The following PPP2R2B variants were observed in gnomAD, a reference collection of about 807,000 sequenced individuals.
PPP2R2B encodes the protein protein phosphatase 2 regulatory subunit Bbeta.
PPP2R2B carries 5 observed loss-of-function variants against 46.0 expected under a neutral mutation model. That is an observed-to-expected ratio of 0.11 (90% CI 0.06 to 0.23). The LOEUF is 0.23. PPP2R2B is among the 10% of genes least tolerant of loss of function. The pLI, the probability that PPP2R2B is intolerant of heterozygous loss-of-function variation, is 1.00. For synonymous variants in PPP2R2B, 215 were observed against 206.7 expected, an observed-to-expected ratio of 1.04 and a Z score of -0.34; for missense variants, 367 against 575.0, an observed-to-expected ratio of 0.64 and a Z score of 3.70.
intron 2 of PPP2R2B, among the ~76,000 whole-genome samples, chr5:146,759,660 C>T (rs1282498498): frequency 2.0e-5 from 3 of 152,112 alleles, no homozygotes; most frequent in African/African-American, 4.8e-5. Flanking sequence ...ACATCCTCTG[C>T]AGGTATCTTC....
intron 2 of PPP2R2B, among the ~76,000 whole-genome samples, chr5:146,754,515 G>A (rs1023734372): frequency 7.2e-5 from 11 of 152,110 alleles, no homozygotes; most frequent in Non-Finnish European, 1.0e-4. Flanking sequence ...GAAGTTCTTC[G>A]ATACTCTTTC....
chr5:146,801,544 G>C (rs1756866393), intron 2 of PPP2R2B, among the ~76,000 whole-genome samples: 2 of 152,134 alleles, frequency 1.3e-5, no homozygotes, highest in African/African-American at 2.4e-5. Context: ...CCCTTGGATG[G>C]GGAAATCACC....
At chr5:146,965,442 T>A (rs1299866574) in intron 1 of PPP2R2B, among the ~76,000 whole-genome samples, 1 of 152,160 alleles carries the variant, frequency 6.6e-6, no homozygotes. Flanking sequence ...TGAACTGCAG[T>A]GGGACCTCAG....
rs563608397 is a variant in PPP2R2B at position 146,704,251 on chromosome 5, C to G, written c.71-3109G>C. Among the ~76,000 whole-genome samples, 12 of 152,286 alleles carry G rather than the reference C, an allele frequency of 7.9e-5. No homozygotes were observed. The South Asian group carries it at 2.1e-3, about 26-fold the overall frequency. On this transcript the variant is annotated intron_variant, in intron 2 of 9. Transcript: ENST00000394411. ...AATACTCTTGTGTTTGCAGCATGCT[C>G]TTTGGTAAGGCAGTTTAAACTGGAA... is the stretch of plus-strand genomic sequence containing the variant.
intron 2 of PPP2R2B, among the ~76,000 whole-genome samples, chr5:146,841,455 T>C (rs961467468): frequency 1.4e-4 from 22 of 152,274 alleles, no homozygotes; most frequent in African/African-American, 2.9e-4. Flanking sequence ...CATTTTCTGA[T>C]TGTGAAAATT....
chr5:146,785,087 C>T (rs1175967371), intron 2 of PPP2R2B, among the ~76,000 whole-genome samples: 2 of 152,130 alleles, frequency 1.3e-5, no homozygotes, highest in African/African-American at 2.4e-5. Context: ...TTATTTATTG[C>T]TTTTCAACTT....
chr5:146,638,768 A>G (rs542432558), intron 6 of PPP2R2B, among the ~76,000 whole-genome samples: 1 of 152,354 alleles, frequency 6.6e-6, no homozygotes, highest in African/African-American at 2.4e-5. Flanking sequence ...TCATTTTATA[A>G]TAATGATTAA....
At chr5:147,073,992 C>T (rs796621308) in intron 2 of PPP2R2B, among the ~76,000 whole-genome samples, 159 of 150,878 alleles carry the variant, frequency 1.1e-3, no homozygotes, top group African/African-American at 3.6e-3. Context: ...GCCAAGATCG[C>T]GCCACTGCAC....
chr5:146,875,095 G>T (rs577280931), intron 2 of PPP2R2B, among the ~76,000 whole-genome samples: 46 of 152,294 alleles, frequency 3.0e-4, no homozygotes, highest in Non-Finnish European at 8.8e-5. Flanking sequence ...TGAAGACAAG[G>T]TTTTCCATTG....
chr5:146,664,448 C>T (rs1776854638), intron 5 of PPP2R2B, among the ~76,000 whole-genome samples: 1 of 152,088 alleles, frequency 6.6e-6, no homozygotes, highest in Non-Finnish European at 1.5e-5. Context: ...AGCAATTCCT[C>T]ATCTGTTAAA....
At chr5:146,685,029 G>A (rs1291931551) in intron 5 of PPP2R2B, among the ~76,000 whole-genome samples, 1 of 152,200 alleles carries the variant, frequency 6.6e-6, no homozygotes, top group Admixed American at 6.5e-5. Flanking sequence ...AGGACAGAGA[G>A]TGTGTTTCAT....
chr5:146,935,372 T>C (rs1381892908), intron 1 of PPP2R2B, among the ~76,000 whole-genome samples: 2 of 152,202 alleles, frequency 1.3e-5, no homozygotes, highest in East Asian at 3.8e-4. Flanking sequence ...ACTTTCCAGC[T>C]TCCAGAACTA....
chr5:146,607,605 T>C (rs1581702032), intron 7 of PPP2R2B: 1 of 152,268 alleles, frequency 6.6e-6, no homozygotes, highest in African/African-American at 2.4e-5. Context: ...ATTCTGCATC[T>C]ACTATACTTC....
intron 2 of PPP2R2B, among the ~76,000 whole-genome samples, chr5:146,858,148 C>A (rs968316506): frequency 1.3e-5 from 2 of 152,240 alleles, no homozygotes; most frequent in South Asian, 2.1e-4. Context: ...AGATGAGGCA[C>A]CTGGGCTTAG....
At chr5:146,916,256 GT>G (rs1763379478) in intron 1 of PPP2R2B, among the ~76,000 whole-genome samples, 1 of 148,722 alleles carries the variant, frequency 6.7e-6, no homozygotes, top group South Asian at 2.1e-4. Flanking sequence ...TCCCAGAAGA[GT>G]GAAAAAAAAG....
chr5:147,041,106 C>A (rs1756273311), intron 1 of PPP2R2B, among the ~76,000 whole-genome samples: 1 of 152,164 alleles, frequency 6.6e-6, no homozygotes. Context: ...CTGGTTCAGT[C>A]CTGGTAGTTT....
chr5:146,635,109 G>T (rs1463437862), intron 7 of PPP2R2B, among the ~76,000 whole-genome samples: 1 of 152,048 alleles, frequency 6.6e-6, no homozygotes, highest in East Asian at 1.9e-4. Context: ...ATGAAATTTA[G>T]TTCTTGTGAA....
chr5:146,607,319 G>A (rs1395922631), intron 7 of PPP2R2B: 1 of 152,066 alleles, frequency 6.6e-6, no homozygotes, highest in East Asian at 1.9e-4. Context: ...TGCTACCAGG[G>A]GCCTAATGAC....
chr5:146,848,859 C>T (rs1760168814), intron 2 of PPP2R2B, among the ~76,000 whole-genome samples: 1 of 151,704 alleles, frequency 6.6e-6, no homozygotes, highest in South Asian at 2.1e-4. Flanking sequence ...TCCTCCTCTC[C>T]TATTTATTCA....
Sources: gnomAD v4.1 joint callset for allele counts (sites outside exome capture counted in the v4.1 genomes callset) on GRCh38, gnomAD v4.1.1 for gene constraint, MANE v1.5 for transcripts, NCBI Gene and HGNC (gene_info 2026-07-23, HGNC 2026-07-21) for gene names.